Variants in SRRM2 observed in about 807,000 individuals in gnomAD.
SRRM2 encodes the protein serine/arginine repetitive matrix 2, also known as serine/arginine repetitive matrix protein 2.
SRRM2 carries 30 observed loss-of-function variants against 213.8 expected under a neutral mutation model. The observed-to-expected ratio is 0.14, with a 90% CI of 0.10 to 0.19. SRRM2 has a LOEUF of 0.19. SRRM2 is among the 10% of genes least tolerant of loss of function. SRRM2 has a pLI of 1.00. For missense variants in SRRM2, 4,904 were observed against 3,647.0 expected (o/e 1.34, Z -8.88); for synonymous variants, 2,025 against 1,377.7 (o/e 1.47, Z -10.40).
intron 12 of SRRM2, chr16:2,769,868 C>A (rs940517562): frequency 2.1e-6 from 1 of 466,362 alleles, no homozygotes. Context: ...CCAGCCACAC[C>A]CAGCGCCTTG....
Position 2,765,550 on chromosome 16 carries a change from A to G in SRRM2, c.5022A>G (p.Ser1674=). The part of the protein sequence containing the change: ...KSRTARRGSR[S]SPEPKTKSRT... ...GAACTGCTCGCAGAGGTTCCAGGTCATCACCAGAGCCCAAGACCAAGTCTC... is the reference window on the plus strand; with the variant it reads ...GAACTGCTCGCAGAGGTTCCAGGTCGTCACCAGAGCCCAAGACCAAGTCTC... Residue 1674 remains serine (S), a synonymous_variant, in exon 11 of 15, where the codon TCA becomes TCG. Transcript: ENST00000301740. 1 of 1,614,192 alleles carries G rather than the reference A, an allele frequency of 6.2e-7. No individual in the cohort carries two copies.
chr16:2,762,059 C>T lies in SRRM2; in HGVS notation c.1531C>T (p.Pro511Ser), dbSNP rs774890529. Residue 511 changes from proline (P) to serine (S), a missense_variant, in exon 11 of 15, where the codon CCC becomes TCC. Transcript: ENST00000301740. ...TKRGHSRSRS[P>S]QWRRSRSAQR... ...GAGAGGTCATTCTCGATCCCGATCTCCCCAGTGGCGTAGGTCCAGGTCTGC... is the reference window on the plus strand; with the variant it reads ...GAGAGGTCATTCTCGATCCCGATCTTCCCAGTGGCGTAGGTCCAGGTCTGC... 2.5e-6 allele frequency: 4 copies of T among 1,614,216 alleles called. No individual in the cohort carries two copies. In the South Asian group the frequency reaches 3.3e-5, roughly 13 times the overall value.
At chr16:2,758,669 T>G in intron 5 of SRRM2, 122 bp downstream of exon 5, 1 of 982,282 alleles carries the variant, frequency 1.0e-6, no homozygotes, top group Non-Finnish European at 1.6e-6. Context: ...GAGGAGGGAG[T>G]TACCATTGAG....
At position 2,767,969 on chromosome 16, in the gene SRRM2, G is replaced by A. The variant is rs145730302; in HGVS notation, c.7441G>A (p.Ala2481Thr). Residue 2481 changes from alanine (A) to threonine (T), a missense_variant, in exon 11 of 15, where the codon GCA becomes ACA. Ala to Thr is a moderately conservative substitution (Grantham distance 58). Coordinates refer to ENST00000301740, the MANE Select transcript of SRRM2 (RefSeq NM_016333.4). ...TCAGTCCCTTTCCTCTGGGGCAGTG[G>A]CAACGACCACGTCCTCTGCTGGTGA... Reference protein sequence around the residue: ...GSQSLSSGAVATTTSSAGDHN... With the variant: ...GSQSLSSGAVTTTTSSAGDHN... The A allele has an allele frequency of 6.2e-7, 1 of 1,614,146 alleles. No individual in the cohort carries two copies. Among genetic ancestry groups the A allele is most frequent in the African/African-American group, 1.3e-5 (1 of 75,030 alleles).
intron 10 of SRRM2, 91 bp downstream of exon 10, chr16:2,760,590 T>A: frequency 1.4e-6 from 2 of 1,403,056 alleles, no homozygotes; most frequent in Non-Finnish European, 1.9e-6. Context: ...AATAACTTAT[T>A]AAAATAAATA....
At position 2,767,917 on chromosome 16, in the gene SRRM2, T is replaced by C. The variant is rs781722068; in HGVS notation, c.7389T>C (p.Ile2463=). ...TTTCAGACCAATCCCGTTGTTTGAT[T>C]GCCCAGACCACCCCTGTAGCAGGGT... The part of the protein sequence containing the change: ...SAFSDQSRCL[I]AQTTPVAGSQ... The change falls in exon 11 of 15, where the codon ATT becomes ATC. Residue 2463 remains isoleucine, a synonymous_variant. Coordinates refer to ENST00000301740, the MANE Select transcript of SRRM2 (RefSeq NM_016333.4). 6.2e-7 allele frequency: 1 copy of C among 1,614,158 alleles called. No individual in the cohort carries two copies. The highest frequency in any genetic ancestry group is 8.5e-7 in the Non-Finnish European group (1 of 1,180,020).
intron 1 of SRRM2, chr16:2,753,605 T>G (rs1179074956): frequency 6.6e-6 from 1 of 152,230 alleles, no homozygotes; most frequent in Non-Finnish European, 1.5e-5. Context: ...TTGGAGACCT[T>G]CGTTGGGAAG....
Position 2,762,292 on chromosome 16 carries a change from A to G in SRRM2, c.1764A>G (p.Thr588=), listed in dbSNP as rs753870366. Residue 588 remains threonine, a synonymous_variant, in exon 11 of 15, where the codon ACA becomes ACG. Transcript: ENST00000301740. ...GCCGGGGCAGGTCCCGCTCTAGAAC[A>G]CCTGCCAGGCGGAGATCACGATCCA... ...PARRGRSRSR[T]PARRRSRSRT... 1.9e-6 allele frequency: 3 copies of G among 1,614,090 alleles called. No individual in the cohort carries two copies. Among genetic ancestry groups the G allele is most frequent in the East Asian group, 2.2e-5 (1 of 44,874 alleles).
In SRRM2 at chr16:2,762,294, C is replaced by T. The variant is rs375821796; in HGVS notation, c.1766C>T (p.Pro589Leu). 1.9e-6 allele frequency: 3 copies of T among 1,614,046 alleles called. No homozygotes were observed. Among genetic ancestry groups the T allele is most frequent in the Admixed American group, 3.3e-5 (2 of 59,994 alleles). Residue 589 changes from proline to leucine, a missense_variant, in exon 11 of 15, where the codon CCT (proline) becomes CTT (leucine). Physicochemically the swap from Pro to Leu is moderately conservative, Grantham distance 98 (BLOSUM62 -3). Coordinates refer to ENST00000301740, the MANE Select transcript of SRRM2 (RefSeq NM_016333.4). ...ARRGRSRSRTPARRRSRSRTP... is the reference protein window; with the variant it reads ...ARRGRSRSRTLARRRSRSRTP... ...CGGGGCAGGTCCCGCTCTAGAACAC[C>T]TGCCAGGCGGAGATCACGATCCAGA...
rs201122181 is a variant in SRRM2 at position 2,762,958 on chromosome 16, G to A, written c.2430G>A (p.Thr810=). The change falls in exon 11 of 15, where the codon ACG becomes ACA. Residue 810 remains threonine (T), a synonymous_variant. Coordinates refer to ENST00000301740, the MANE Select transcript of SRRM2 (RefSeq NM_016333.4). ...GSSQPKAKSR[T]PPRRSRSSSS... is the part of the protein sequence containing the mutation. ...CCCAACCTAAAGCTAAATCTAGAACGCCACCCAGACGCAGTCGCTCCAGTT... is the reference window on the plus strand; with the variant it reads ...CCCAACCTAAAGCTAAATCTAGAACACCACCCAGACGCAGTCGCTCCAGTT... 64 of 1,609,798 alleles carry A rather than the reference G, an allele frequency of 4.0e-5. No individual in the cohort carries two copies. The highest frequency in any genetic ancestry group is 4.9e-5 in the Non-Finnish European group (58 of 1,176,460).
intron 4 of SRRM2, 148 bp downstream of exon 4, chr16:2,758,093 G>C (rs922232595): frequency 4.1e-6 from 4 of 966,828 alleles, no homozygotes; most frequent in Non-Finnish European, 6.1e-6. Context: ...TGTGTCCAAG[G>C]GTTAGTCACA....
At chr16:2,760,808 T>C in intron 10 of SRRM2, 1 of 263,566 alleles carries the variant, frequency 3.8e-6, no homozygotes, top group Non-Finnish European at 7.4e-6. Flanking sequence ...TCTAGTTTCT[T>C]CTCTTTTTTC....
chr16:2,771,097 G>GGGCGGC lies in SRRM2; in HGVS notation c.*230_*231insGGCGGC. The GGGCGGC allele has an allele frequency of 3.0e-6, 1 of 336,638 alleles. No homozygotes were observed. The highest frequency in any genetic ancestry group is 5.7e-6 in the Non-Finnish European group (1 of 174,698). The allele number at this position is 336,638 out of a possible 1,614,324, so 20.9% of individuals were successfully genotyped here. A position where few individuals can be genotyped will look rare whatever the true frequency, so the allele number is the denominator to read the frequency against. On this transcript the variant is annotated 3_prime_UTR_variant, in exon 15 of 15. Coordinates refer to ENST00000301740, the MANE Select transcript of SRRM2 (RefSeq NM_016333.4). ...GTTCTGGGGGGTTTGGGGTGGGAGG[G>GGGCGGC]AATGCAGATGGGAGTTGGGGGAGGG... is the stretch of plus-strand genomic sequence containing the variant.
At position 2,764,563 on chromosome 16, in the gene SRRM2, T is replaced by G; in HGVS notation, c.4035T>G (p.Thr1345=). ...GCCCACTTGGTACAGAAATGAATAC[T>G]GGATTTTCTTCTGAGGTTAAAGAAG... is the stretch of plus-strand genomic sequence containing the variant. ...NSGPLGTEMN[T]GFSSEVKEDL... The change falls in exon 11 of 15, where the codon ACT becomes ACG. Residue 1345 remains threonine (T), a synonymous_variant. Coordinates refer to ENST00000301740, the MANE Select transcript of SRRM2 (RefSeq NM_016333.4). 6.2e-7 allele frequency: 1 copy of G among 1,614,240 alleles called. No individual in the cohort carries two copies.
Position 2,770,478 on chromosome 16 carries a change from G to A in SRRM2, c.8135+13G>A. The A allele has an allele frequency of 6.3e-7, 1 of 1,595,658 alleles. No individual in the cohort carries two copies. The highest frequency in any genetic ancestry group is 8.5e-7 in the Non-Finnish European group (1 of 1,171,582). ...GGGACCAGCAGAGGTAAGGCCAACTGCAGGTGTCAGCACCCAGCCTGTCTG... is the reference window on the plus strand; with the variant it reads ...GGGACCAGCAGAGGTAAGGCCAACTACAGGTGTCAGCACCCAGCCTGTCTG... On this transcript the variant is annotated intron_variant, in intron 13 of 14. Coordinates refer to ENST00000301740, the MANE Select transcript of SRRM2 (RefSeq NM_016333.4).
chr16:2,763,585 G>A lies in SRRM2; in HGVS notation c.3057G>A (p.Glu1019=), dbSNP rs746866985. The A allele has an allele frequency of 1.2e-6, 2 of 1,614,162 alleles. No homozygotes were observed. Among genetic ancestry groups the A allele is most frequent in the Non-Finnish European group, 8.5e-7 (1 of 1,180,042 alleles). The change falls in exon 11 of 15, where the codon GAG becomes GAA. Residue 1019 remains glutamate (E), a synonymous_variant. Transcript: ENST00000301740. ...GATCAAAGTCACCATGTCCCCAAGAGAAGTCTAAAGACTCACTAGTTCAAA... is the reference window on the plus strand; with the variant it reads ...GATCAAAGTCACCATGTCCCCAAGAAAAGTCTAAAGACTCACTAGTTCAAA... ...LSGSKSPCPQ[E]KSKDSLVQSC...
Position 2,756,487 on chromosome 16 carries a change from A to G in SRRM2, c.123A>G (p.Glu41=), listed in dbSNP as rs2068146401. Residue 41 remains glutamate, a synonymous_variant, in exon 2 of 15, where the codon GAA becomes GAG. Coordinates refer to ENST00000301740, the MANE Select transcript of SRRM2 (RefSeq NM_016333.4). ...GERPDYKGEE[E]LRRLEAALVK... The stretch of plus-strand genomic sequence containing the variant: ...GGCCTGACTACAAGGGAGAGGAGGA[A>G]CTGCGGCGCCTGGAGGCTGCCCTGG... 1.9e-6 allele frequency: 3 copies of G among 1,613,790 alleles called. No homozygotes were observed. The highest frequency in any genetic ancestry group is 2.7e-5 in the African/African-American group (2 of 74,930).
chr16:2,758,931 G>A, intron 5 of SRRM2, 54 bp from the exon 6 acceptor site: 1 of 1,603,194 alleles, frequency 6.2e-7, no homozygotes, highest in Non-Finnish European at 8.5e-7. Context: ...TTGTAAGTGG[G>A]AGGGCCAGGA....
intron 1 of SRRM2, among the ~76,000 whole-genome samples, chr16:2,754,478 G>T (rs570753271): frequency 3.9e-5 from 6 of 152,152 alleles, no homozygotes; most frequent in Non-Finnish European, 7.3e-5. Context: ...TTTTGGTAGA[G>T]ATGGAGTTTC....
Sources: gnomAD v4.1 joint callset for allele counts (sites outside exome capture counted in the v4.1 genomes callset) on GRCh38, gnomAD v4.1.1 for gene constraint, MANE v1.5 for transcripts, NCBI Gene and HGNC (gene_info 2026-07-23, HGNC 2026-07-21) for gene names.